The following MOSPD1 variants were observed in gnomAD, a reference collection of about 807,000 sequenced individuals.
MOSPD1 encodes motile sperm domain-containing protein 1.
In MOSPD1, 5 loss-of-function variants were observed where a neutral mutation model predicts 16.7. The observed-to-expected ratio is 0.30, with a 90% CI of 0.16 to 0.63. The LOEUF (loss-of-function observed/expected upper bound fraction) is 0.63. MOSPD1 is among the 30% of genes least tolerant of loss of function. The probability of loss-of-function intolerance (pLI) is 0.82; values close to 1 mark genes in which losing one functional copy is unlikely to be tolerated. For synonymous variants in MOSPD1, 67 were observed against 59.2 expected, an observed-to-expected ratio of 1.13 and a Z score of -0.61; for missense variants, 104 against 153.6, an observed-to-expected ratio of 0.68 and a Z score of 1.71.
chrX:134,894,927 G>A (rs2082878473), intron 4 of MOSPD1, among the ~76,000 whole-genome samples: 1 of 111,709 alleles, frequency 9.0e-6, no homozygotes, highest in African/African-American at 3.3e-5. Context: ...TACAGGAATG[G>A]ATTAGATAAT....
chrX:134,913,945 C>G (rs1271274565), intron 1 of MOSPD1, among the ~76,000 whole-genome samples: 1 of 111,895 alleles, frequency 8.9e-6, no homozygotes, highest in Admixed American at 9.5e-5. Context: ...TAAGTGTAAT[C>G]TAAAAGTTGG....
chrX:134,897,158 A>T (rs1390840959), intron 3 of MOSPD1, 124 bp from the exon 4 acceptor site: 2 of 459,093 alleles, frequency 4.4e-6, no homozygotes, highest in Non-Finnish European at 7.3e-6. Flanking sequence ...CAAAAACAGA[A>T]ATTTGCTAAG....
At chrX:134,903,744 G>GA (rs2082926859) in intron 1 of MOSPD1, among the ~76,000 whole-genome samples, 1 of 100,574 alleles carries the variant, frequency 9.9e-6, no homozygotes, top group Non-Finnish European at 2.0e-5. Flanking sequence ...GAAAGAAAAA[G>GA]AAACTGTTCC....
In MOSPD1 at chrX:134,896,866, T is replaced by C; in HGVS notation, c.399A>G (p.Leu133=). ...ATAAACTTTCAGTTAAATGTTCCTT[T>C]AATCTTTTTTCCTCTTCTTCCTTTT... The part of the protein sequence containing the change: ...EQQKEEEEKR[L]KEHLTESLFF... The change falls in exon 4 of 6, where the codon TTA becomes TTG. Residue 133 remains leucine, a synonymous_variant. Transcript: ENST00000370783. 4 of 1,211,277 alleles carry C rather than the reference T, an allele frequency of 3.3e-6. No homozygotes were observed. Among genetic ancestry groups the C allele is most frequent in the Non-Finnish European group, 4.5e-6 (4 of 894,972 alleles).
chrX:134,901,902 G>A (rs986340320), intron 1 of MOSPD1, among the ~76,000 whole-genome samples: 4 of 111,697 alleles, frequency 3.6e-5, no homozygotes, highest in Non-Finnish European at 7.5e-5. Flanking sequence ...AGCTGAAAGC[G>A]CCTATCAACA....
intron 1 of MOSPD1, among the ~76,000 whole-genome samples, chrX:134,909,520 A>G (rs2082960327): frequency 1.8e-5 from 2 of 110,904 alleles, no homozygotes; most frequent in Non-Finnish European, 3.8e-5. Flanking sequence ...CTTCTTCCAT[A>G]CTCTGTGCAA....
chrX:134,909,329 T>C (rs1490331137), intron 1 of MOSPD1, among the ~76,000 whole-genome samples: 3 of 111,740 alleles, frequency 2.7e-5, no homozygotes, highest in Non-Finnish European at 5.6e-5. Flanking sequence ...GATCGAAGTT[T>C]GAAAACAGTT....
intron 1 of MOSPD1, among the ~76,000 whole-genome samples, chrX:134,913,618 G>A (rs1365697619): frequency 5.4e-5 from 6 of 111,643 alleles, no homozygotes; most frequent in Non-Finnish European, 5.6e-5. Context: ...GAAGAAGCAT[G>A]CATTGTTTTA....
chrX:134,891,392 A>AG, intron 5 of MOSPD1, 87 bp downstream of exon 5: 2 of 241,107 alleles, frequency 8.3e-6, no homozygotes, highest in Non-Finnish European at 1.2e-5. Flanking sequence ...GTTCTTTGGG[A>AG]AAAAAAAAAA....
chrX:134,905,425 T>C (rs915521862), intron 1 of MOSPD1, among the ~76,000 whole-genome samples: 2 of 106,984 alleles, frequency 1.9e-5, no homozygotes, highest in African/African-American at 6.8e-5. Flanking sequence ...ATCTTGGATA[T>C]GGGTGAAATT....
chrX:134,900,638 G>A (rs757083209), intron 1 of MOSPD1, among the ~76,000 whole-genome samples: 1 of 111,438 alleles, frequency 9.0e-6, no homozygotes, highest in Non-Finnish European at 1.9e-5. Flanking sequence ...AGCTATAACT[G>A]ACAGAAGTCT....
intron 4 of MOSPD1, among the ~76,000 whole-genome samples, chrX:134,894,152 A>C (rs2082875341): frequency 8.9e-6 from 1 of 112,399 alleles, no homozygotes; most frequent in African/African-American, 3.2e-5. Flanking sequence ...AGGTCTGGAA[A>C]GTAACATGGA....
intron 4 of MOSPD1, among the ~76,000 whole-genome samples, chrX:134,896,419 C>G (rs1004524606): frequency 5.4e-5 from 6 of 110,405 alleles, no homozygotes; most frequent in Admixed American, 9.7e-5. Context: ...CACAATCTCT[C>G]TCTTCCTTGG....
chrX:134,905,828 T>A (rs2082938736), intron 1 of MOSPD1, among the ~76,000 whole-genome samples: 2 of 112,238 alleles, frequency 1.8e-5, no homozygotes, highest in Non-Finnish European at 3.8e-5. Flanking sequence ...CATGTATAAC[T>A]CTAATGTGAA....
intron 1 of MOSPD1, among the ~76,000 whole-genome samples, chrX:134,905,428 G>A (rs1402706194): frequency 9.1e-6 from 1 of 109,617 alleles, no homozygotes; most frequent in Admixed American, 9.9e-5. Context: ...TTGGATATGG[G>A]TGAAATTCTT....
intron 1 of MOSPD1, chrX:134,900,036 AAAG>A (rs1179393364): frequency 8.9e-6 from 1 of 112,091 alleles, no homozygotes; most frequent in African/African-American, 3.2e-5. Flanking sequence ...CAAATTATGC[AAAG>A]AAGTTTATAC....
intron 3 of MOSPD1, among the ~76,000 whole-genome samples, chrX:134,897,544 A>C (rs974035166): frequency 2.6e-5 from 2 of 75,556 alleles, no homozygotes; most frequent in East Asian, 8.0e-4. Flanking sequence ...ACTCTGTCTT[A>C]TTAAAAAAAA....
chrX:134,897,599 AT>A (rs200486988), intron 3 of MOSPD1, among the ~76,000 whole-genome samples: 9,450 of 98,150 alleles, frequency 0.096, 1,272 homozygotes, highest in African/African-American at 0.34. Flanking sequence ...TAGCAATCAC[AT>A]TTTTTTTTTT....
intron 3 of MOSPD1, among the ~76,000 whole-genome samples, chrX:134,897,982 C>T (rs1474487423): frequency 9.0e-6 from 1 of 111,441 alleles, no homozygotes; most frequent in Non-Finnish European, 1.9e-5. Context: ...GATTCTCCTG[C>T]CTCAGCCTCC....
Sources: gnomAD v4.1 joint callset for allele counts (sites outside exome capture counted in the v4.1 genomes callset) on GRCh38, gnomAD v4.1.1 for gene constraint, MANE v1.5 for transcripts, NCBI Gene and HGNC (gene_info 2026-07-23, HGNC 2026-07-21) for gene names.